Variants in FOXN1 observed in about 807,000 individuals in gnomAD.
FOXN1 encodes the protein forkhead box N1.
Under a neutral mutation model 49.0 loss-of-function variants are expected in FOXN1, and 15 were observed. The observed-to-expected ratio is 0.31, with a 90% CI of 0.20 to 0.47. The LOEUF is 0.47. Ranked by LOEUF, FOXN1 falls within the 20% of genes least tolerant of loss-of-function variation. FOXN1 has a pLI of 1.00. For missense variants in FOXN1, 800 were observed against 842.8 expected, an observed-to-expected ratio of 0.95 and a Z score of 0.63; for synonymous variants, 356 against 369.0, an observed-to-expected ratio of 0.96 and a Z score of 0.40.
chr17:28,509,326 G>T (rs539713203), intron 1 of FOXN1, among the ~76,000 whole-genome samples: 2 of 114,782 alleles, frequency 1.7e-5, no homozygotes, highest in African/African-American at 3.4e-5. Flanking sequence ...ACTCATCCCC[G>T]TCCCCAAACT....
chr17:28,521,305 G>A (rs2069635651), intron 1 of FOXN1, among the ~76,000 whole-genome samples: 1 of 152,218 alleles, frequency 6.6e-6, no homozygotes, highest in Admixed American at 6.5e-5. Flanking sequence ...CCCTCCCCAG[G>A]TTACAAAGCC....
chr17:28,519,511 C>T (rs191995671), intron 1 of FOXN1, among the ~76,000 whole-genome samples: 13 of 152,146 alleles, frequency 8.5e-5, no homozygotes, highest in African/African-American at 2.2e-4. Context: ...GAGGAGCTCC[C>T]GGAATCTGAG....
chr17:28,530,272 G>A (rs1430464723), intron 5 of FOXN1, among the ~76,000 whole-genome samples: 1 of 152,058 alleles, frequency 6.6e-6, no homozygotes, highest in African/African-American at 2.4e-5. Flanking sequence ...GAAGGATTAA[G>A]TAAGAGAATG....
intron 1 of FOXN1, among the ~76,000 whole-genome samples, chr17:28,521,500 G>A (rs2151483907): frequency 6.6e-6 from 1 of 152,380 alleles, no homozygotes; most frequent in East Asian, 1.9e-4. Context: ...CAGTGATGCG[G>A]AGCGGGAGGT....
chr17:28,525,643 C>T (rs753839924), intron 3 of FOXN1, among the ~76,000 whole-genome samples: 7 of 152,198 alleles, frequency 4.6e-5, no homozygotes, highest in Non-Finnish European at 1.0e-4. Flanking sequence ...TGCTCCCCCG[C>T]TCTGGTTTGG....
chr17:28,510,496 CA>C (rs1470276778), intron 1 of FOXN1, among the ~76,000 whole-genome samples: 6 of 151,278 alleles, frequency 4.0e-5, no homozygotes, highest in African/African-American at 1.5e-4. Context: ...ATTCCATAGC[CA>C]TGTCCCGGAC....
chr17:28,521,371 CAGCCCCCTGCACCA>C (rs956390055), intron 1 of FOXN1, among the ~76,000 whole-genome samples: 3 of 152,190 alleles, frequency 2.0e-5, no homozygotes. Context: ...TGGAGAATGC[CAGCCCCCTGCACCA>C]AGCCCCCTGC....
At chr17:28,528,701 C>A (rs1166474591) in intron 4 of FOXN1, among the ~76,000 whole-genome samples, 1 of 152,198 alleles carries the variant, frequency 6.6e-6, no homozygotes, top group African/African-American at 2.4e-5. Context: ...CAGTGCCCAG[C>A]AAACGCCCAG....
chr17:28,518,001 C>A (rs968055313), intron 1 of FOXN1, among the ~76,000 whole-genome samples: 36 of 128,464 alleles, frequency 2.8e-4, no homozygotes, highest in Non-Finnish European at 5.1e-4. Flanking sequence ...TCCACAGGAT[C>A]CATACCTCCA....
At position 28,537,752 on chromosome 17, in the gene FOXN1, T is replaced by C; in HGVS notation, c.*316T>C. The C allele has an allele frequency of 2.1e-6, 1 of 484,488 alleles. No homozygotes were observed. The highest frequency in any genetic ancestry group is 3.8e-6 in the Non-Finnish European group (1 of 262,238). 30.0% of individuals were successfully genotyped at this position (484,488 alleles called of 1,614,324 possible). On this transcript the variant is annotated 3_prime_UTR_variant, in exon 9 of 9. Transcript: ENST00000579795. The stretch of plus-strand genomic sequence containing the variant: ...TTAAGCCCTCGTGCACACACACAAA[T>C]TATTCAGATGTACACCCACCCACAT...
chr17:28,529,144 C>G lies in FOXN1; in HGVS notation c.750C>G (p.His250Gln). ...SYPIPYLGSS[H>Q]YQYQRMAPQA... ...CCATACCCTACCTGGGCTCCTCACACTATCAGTACCAGCGAATGGCACCCC... is the reference window on the plus strand; with the variant it reads ...CCATACCCTACCTGGGCTCCTCACAGTATCAGTACCAGCGAATGGCACCCC... Residue 250 changes from histidine to glutamine, a missense_variant, in exon 5 of 9, where the codon CAC (histidine) becomes CAG (glutamine). This residue lies in a region of FOXN1 where 383 missense variants were observed against 357.9 expected (regional missense o/e 1.07). Coordinates refer to ENST00000579795, the MANE Select transcript of FOXN1 (RefSeq NM_001369369.1). 1 of 1,614,188 alleles carries G rather than the reference C, an allele frequency of 6.2e-7. No homozygotes were observed. The highest frequency in any genetic ancestry group is 2.2e-5 in the East Asian group (1 of 44,890).
At chr17:28,528,263 C>T (rs1292751738) in intron 4 of FOXN1, among the ~76,000 whole-genome samples, 1 of 152,172 alleles carries the variant, frequency 6.6e-6, no homozygotes. Context: ...CCATGAGGGG[C>T]CTGGGTGGAA....
At chr17:28,518,742 G>A (rs2069581344) in intron 1 of FOXN1, among the ~76,000 whole-genome samples, 3 of 152,134 alleles carry the variant, frequency 2.0e-5, no homozygotes, top group Admixed American at 6.5e-5. Flanking sequence ...GTTTTGCCAG[G>A]GGTGCCCTCC....
chr17:28,534,090 T>A lies in FOXN1; in HGVS notation c.928-241T>A, dbSNP rs1254242963. Among the ~76,000 whole-genome samples the A allele has an allele frequency of 1.3e-5, 2 of 152,130 alleles. No individual in the cohort carries two copies. The highest frequency in any genetic ancestry group is 4.8e-5 in the African/African-American group (2 of 41,428). ...AGTCCTCTGAGGGGTCAGGAAGGGA[T>A]GCGGGTGGGATGAAGGCAGATTTGA... On this transcript the variant is annotated intron_variant, in intron 6 of 8. Transcript: ENST00000579795. The surrounding 1 kb of genome is among the most constrained non-coding windows in gnomAD (Gnocchi z 4.1).
At chr17:28,527,480 C>A in intron 4 of FOXN1, 119 bp downstream of exon 4, 1 of 715,890 alleles carries the variant, frequency 1.4e-6, no homozygotes, top group South Asian at 1.5e-5. Flanking sequence ...ATAAGGACAG[C>A]AGGGCCCTGA....
chr17:28,537,033 A>G, intron 8 of FOXN1, 84 bp from the exon 9 acceptor site: 1 of 1,024,752 alleles, frequency 9.8e-7, no homozygotes, highest in Non-Finnish European at 1.6e-6. Flanking sequence ...TCTCTGCAGC[A>G]TGTGAAGATT....
chr17:28,533,103 C>T (rs2069953275), intron 6 of FOXN1, among the ~76,000 whole-genome samples: 1 of 152,212 alleles, frequency 6.6e-6, no homozygotes, highest in Non-Finnish European at 1.5e-5. Flanking sequence ...TGGAGTGACG[C>T]TGGCATCAAG....
At chr17:28,533,494 C>G (rs961710441) in intron 6 of FOXN1, among the ~76,000 whole-genome samples, 1 of 151,206 alleles carries the variant, frequency 6.6e-6, no homozygotes, top group Non-Finnish European at 1.5e-5. Flanking sequence ...CACCCCCCCC[C>G]ACTGCCTGAG....
intron 6 of FOXN1, among the ~76,000 whole-genome samples, chr17:28,531,271 C>A (rs1055455523): frequency 2.0e-5 from 3 of 152,154 alleles, no homozygotes; most frequent in Non-Finnish European, 2.9e-5. Flanking sequence ...GCTGAAGAAG[C>A]CATTGCCTTC....
Sources: allele counts gnomAD v4.1 joint callset (sites outside exome capture counted in the v4.1 genomes callset), GRCh38; gene constraint gnomAD v4.1.1; regional missense constraint gnomAD v4.1.1; non-coding constraint Gnocchi (gnomAD v3.1); transcripts MANE v1.5; gene names NCBI Gene and HGNC (gene_info 2026-07-23, HGNC 2026-07-21).